Variants in NBAS observed in about 807,000 individuals in gnomAD.
NBAS encodes the protein NAG/BC035112 fusion.
Under a neutral mutation model 302.5 loss-of-function variants are expected in NBAS, and 219 were observed. The ratio of observed to expected loss-of-function variants is 0.72; its 90% CI spans 0.65 to 0.81. The LOEUF (loss-of-function observed/expected upper bound fraction) is 0.81, where lower values mean the gene tolerates loss of function less well. Among genes scored for constraint, NBAS ranks in the 30% least tolerant of loss-of-function variants. NBAS has a pLI of 0.00. For synonymous variants in NBAS, 1,118 were observed against 1,021.6 expected (o/e 1.09, Z -1.80); for missense variants, 2,932 against 2,841.6 (o/e 1.03, Z -0.72).
At chr2:15,347,461 A>G (rs541294619) in intron 35 of NBAS, among the ~76,000 whole-genome samples, 247 of 152,348 alleles carry the variant, frequency 1.6e-3, no homozygotes, top group African/African-American at 5.7e-3. Context: ...TATAACTGAC[A>G]TTCTGCTCAC....
At chr2:14,890,961 T>C in the NBAS span, among the ~76,000 whole-genome samples, 1 of 152,234 alleles carries the variant, frequency 6.6e-6, no homozygotes, top group Non-Finnish European at 1.5e-5. Flanking sequence ...GATTATTTAG[T>C]AGCAAATCTT....
At chr2:15,370,710 T>G (rs112715267) in intron 31 of NBAS, among the ~76,000 whole-genome samples, 18,390 of 152,250 alleles carry the variant, frequency 0.12, 1,563 homozygotes, top group East Asian at 0.3. Context: ...GTTTCAGACT[T>G]GCAGGGGCCT....
At chr2:15,090,213 AC>A in the NBAS span, among the ~76,000 whole-genome samples, 1 of 152,212 alleles carries the variant, frequency 6.6e-6, no homozygotes, top group African/African-American at 2.4e-5. Context: ...GTGAACTGGA[AC>A]AAAAAGGTTG....
At chr2:15,291,966 A>G (rs922462034) in intron 41 of NBAS, among the ~76,000 whole-genome samples, 3 of 152,190 alleles carry the variant, frequency 2.0e-5, no homozygotes, top group African/African-American at 7.2e-5. Context: ...ATAAGCTTAA[A>G]AAATCATTAT....
At chr2:15,154,982 A>T in the NBAS span, among the ~76,000 whole-genome samples, 1 of 152,232 alleles carries the variant, frequency 6.6e-6, no homozygotes, top group Non-Finnish European at 1.5e-5. Flanking sequence ...TTTGTTGCTG[A>T]TGAGTAATTA....
the NBAS span, among the ~76,000 whole-genome samples, chr2:15,142,076 C>G: frequency 6.6e-6 from 1 of 152,138 alleles, no homozygotes; most frequent in Non-Finnish European, 1.5e-5. Flanking sequence ...TATGGAATAC[C>G]CATTCATCTC....
At chr2:15,330,460 G>A (rs1431699247) in intron 36 of NBAS, 138 bp downstream of exon 36, 2 of 1,098,378 alleles carry the variant, frequency 1.8e-6, no homozygotes, top group Middle Eastern at 2.1e-4. Flanking sequence ...CCTATCTGAT[G>A]AGAGGCCTAC....
intron 47 of NBAS, among the ~76,000 whole-genome samples, chr2:15,220,175 G>C (rs867712397): frequency 2.8e-4 from 39 of 140,384 alleles, no homozygotes; most frequent in Non-Finnish European, 5.2e-4. Flanking sequence ...GGCCGGGCGG[G>C]GGGCTGACCC....
At chr2:14,892,269 G>A in the NBAS span, among the ~76,000 whole-genome samples, 355 of 152,168 alleles carry the variant, frequency 2.3e-3, no homozygotes, top group Non-Finnish European at 4.0e-3. Context: ...ATAGGAAAAA[G>A]AGAAAGGCAG....
At chr2:15,094,441 G>T in the NBAS span, among the ~76,000 whole-genome samples, 1 of 152,160 alleles carries the variant, frequency 6.6e-6, no homozygotes, top group South Asian at 2.1e-4. Context: ...ATTAAGCCTT[G>T]TCAAAGAATA....
the NBAS span, among the ~76,000 whole-genome samples, chr2:14,904,810 G>A: frequency 6.6e-6 from 1 of 152,224 alleles, no homozygotes; most frequent in Non-Finnish European, 1.5e-5. Flanking sequence ...AGCACTTTGG[G>A]AGGCCGAGGC....
intron 33 of NBAS, among the ~76,000 whole-genome samples, chr2:15,354,124 C>A (rs761280134): frequency 5.3e-5 from 8 of 152,114 alleles, no homozygotes; most frequent in Non-Finnish European, 1.0e-4. Context: ...CCTACAAGGA[C>A]AATAATAACA....
At chr2:15,209,912 G>A (rs1666329402) in intron 48 of NBAS, among the ~76,000 whole-genome samples, 1 of 152,112 alleles carries the variant, frequency 6.6e-6, no homozygotes, top group Non-Finnish European at 1.5e-5. Flanking sequence ...AGGAAAACTG[G>A]ATATCCATAT....
the NBAS span, among the ~76,000 whole-genome samples, chr2:14,986,655 AT>A: frequency 7.9e-5 from 12 of 152,152 alleles, no homozygotes; most frequent in Non-Finnish European, 4.4e-5. Flanking sequence ...AAAATAGACC[AT>A]AGCTTACCAC....
the NBAS span, among the ~76,000 whole-genome samples, chr2:14,991,590 T>G: frequency 6.6e-6 from 1 of 152,162 alleles, no homozygotes; most frequent in African/African-American, 2.4e-5. Flanking sequence ...GCTGCCCAGG[T>G]GCATTACCCA....
chr2:15,094,904 G>A, the NBAS span, among the ~76,000 whole-genome samples: 56 of 152,228 alleles, frequency 3.7e-4, no homozygotes, highest in African/African-American at 1.3e-3. Context: ...ATTTGAAAGA[G>A]CAAACCACAA....
At chr2:15,449,563 T>C (rs184389388) in intron 21 of NBAS, among the ~76,000 whole-genome samples, 11 of 150,812 alleles carry the variant, frequency 7.3e-5, no homozygotes, top group Admixed American at 1.3e-4. Flanking sequence ...GACTTACACC[T>C]TCTTAATCAG....
At chr2:15,159,647 G>A in the NBAS span, among the ~76,000 whole-genome samples, 2 of 152,050 alleles carry the variant, frequency 1.3e-5, no homozygotes, top group South Asian at 4.1e-4. Flanking sequence ...TTTAATGAGT[G>A]TAGAATTTCA....
chr2:15,078,956 G>A, the NBAS span, among the ~76,000 whole-genome samples: 1 of 152,102 alleles, frequency 6.6e-6, no homozygotes, highest in Admixed American at 6.6e-5. Flanking sequence ...GGTAAAAAAA[G>A]CAGAATGAAC....
Sources: gnomAD v4.1 joint callset for allele counts (sites outside exome capture counted in the v4.1 genomes callset) on GRCh38, gnomAD v4.1.1 for gene constraint, MANE v1.5 for transcripts, NCBI Gene and HGNC (gene_info 2026-07-23, HGNC 2026-07-21) for gene names.